The following MEF2A variants were observed in gnomAD, a reference collection of about 807,000 sequenced individuals.
MEF2A encodes myocyte-specific enhancer factor 2A.
In MEF2A, 28 loss-of-function variants were observed where a neutral mutation model predicts 55.8. The observed-to-expected ratio is 0.50, with a 90% confidence interval of 0.37 to 0.69. The LOEUF is 0.69. Ranked by LOEUF, MEF2A falls within the 30% of genes least tolerant of loss-of-function variation. The pLI, the probability that MEF2A is intolerant of heterozygous loss-of-function variation, is 0.00. For missense variants in MEF2A, 528 were observed against 626.2 expected (o/e 0.84, Z 1.67); for synonymous variants, 239 against 227.1 (o/e 1.05, Z -0.47).
In MEF2A at chr15:99,647,175, A is replaced by G. The variant is rs1473767430; in HGVS notation, c.258+1411A>G. On this transcript the variant is annotated intron_variant, in intron 4 of 11. Transcript: ENST00000557942. Reference sequence around the variant, plus strand: ...CTGTATAGTAGACCTTTCCCCTATTACATGTCATGAATACATTTTGTATTG... The same window carrying G: ...CTGTATAGTAGACCTTTCCCCTATTGCATGTCATGAATACATTTTGTATTG... 2.6e-5 allele frequency among the ~76,000 whole-genome samples: 4 copies of G among 152,128 alleles called. No individual in the cohort carries two copies. The South Asian group carries it at 6.2e-4, about 24-fold the overall frequency.
At chr15:99,604,697 C>A in intron 2 of MEF2A, among the ~76,000 whole-genome samples, 1 of 147,592 alleles carries the variant, frequency 6.8e-6, no homozygotes, top group Non-Finnish European at 1.5e-5. Context: ...CATTGTTGGG[C>A]TTAGGGGTTT....
At position 99,632,764 on chromosome 15, in the gene MEF2A, A is replaced by G. The variant is rs1596625041; in HGVS notation, c.-142-214A>G. ...AGAAAACCTCAAACATTATTGTTGCATTAGTTTAACCAGAACTAGAGACAC... is the reference window on the plus strand; with the variant it reads ...AGAAAACCTCAAACATTATTGTTGCGTTAGTTTAACCAGAACTAGAGACAC... On this transcript the variant is annotated intron_variant, in intron 2 of 11. Coordinates refer to ENST00000557942, the MANE Select transcript of MEF2A (RefSeq NM_001319206.4). 3.9e-5 allele frequency among the ~76,000 whole-genome samples: 6 copies of G among 152,322 alleles called. No individual in the cohort carries two copies. The South Asian group carries it at 1.0e-3, about 26-fold the overall frequency.
intron 2 of MEF2A, among the ~76,000 whole-genome samples, chr15:99,610,116 CAAG>C (rs527653067): frequency 6.3e-4 from 96 of 151,872 alleles, no homozygotes; most frequent in African/African-American, 2.2e-3. Context: ...CATTTGAAAT[CAAG>C]AATCGTATAG....
intron 4 of MEF2A, among the ~76,000 whole-genome samples, chr15:99,669,241 TTAAAA>T (rs2050392593): frequency 1.3e-5 from 2 of 152,228 alleles, no homozygotes. Context: ...TTAACTAGTC[TTAAAA>T]TAGATGAAAA....
intron 4 of MEF2A, among the ~76,000 whole-genome samples, chr15:99,655,316 T>C (rs1386277692): frequency 3.9e-5 from 6 of 152,020 alleles, no homozygotes; most frequent in Admixed American, 3.9e-4. Context: ...GATATCCATA[T>C]AGAAAAAAAA....
At chr15:99,690,742 C>A in intron 8 of MEF2A, 1 of 462,048 alleles carries the variant, frequency 2.2e-6, no homozygotes. Flanking sequence ...CATGTGGGAC[C>A]TAAAAAAATT....
intron 6 of MEF2A, 71 bp from the exon 7 acceptor site, chr15:99,675,328 G>C (rs543824990): frequency 3.1e-6 from 4 of 1,284,360 alleles, no homozygotes; most frequent in African/African-American, 1.5e-5. Flanking sequence ...TTCAGTTCAC[G>C]TTCAGTTAGG....
chr15:99,697,119 A>G (rs908047276), intron 8 of MEF2A, among the ~76,000 whole-genome samples: 27 of 152,158 alleles, frequency 1.8e-4, no homozygotes, highest in African/African-American at 6.5e-4. Context: ...TACAAAAAAT[A>G]TACAGCTAAA....
intron 7 of MEF2A, among the ~76,000 whole-genome samples, chr15:99,681,244 G>T (rs1191230584): frequency 6.6e-6 from 1 of 152,212 alleles, no homozygotes; most frequent in Non-Finnish European, 1.5e-5. Flanking sequence ...GGTAAAATAA[G>T]GGTTTGCATT....
At chr15:99,666,589 T>TAATAATA (rs1276899838) in intron 4 of MEF2A, among the ~76,000 whole-genome samples, 1 of 146,806 alleles carries the variant, frequency 6.8e-6, no homozygotes, top group Non-Finnish European at 1.5e-5. Context: ...ATAATAATAA[T>TAATAATA]AATAATAATA....
At chr15:99,703,272 G>A (rs1472125071) in intron 8 of MEF2A, 90 bp from the exon 9 acceptor site, 38 of 1,229,434 alleles carry the variant, frequency 3.1e-5, no homozygotes, top group Non-Finnish European at 7.0e-6. Flanking sequence ...AGCTGCTAGT[G>A]TCCAAATATG....
chr15:99,687,375 G>A (rs1253074228), intron 7 of MEF2A, among the ~76,000 whole-genome samples: 3 of 152,118 alleles, frequency 2.0e-5, no homozygotes, highest in South Asian at 2.1e-4. Context: ...GGGTGTGTGT[G>A]TGTATTTGTA....
chr15:99,667,931 T>C (rs1035244413), intron 4 of MEF2A, among the ~76,000 whole-genome samples: 3 of 152,218 alleles, frequency 2.0e-5, no homozygotes, highest in Admixed American at 6.5e-5. Context: ...TTGGGTTTCA[T>C]TTAAAAATAT....
chr15:99,636,892 T>TA (rs2043964223), intron 3 of MEF2A, among the ~76,000 whole-genome samples: 1 of 152,186 alleles, frequency 6.6e-6, no homozygotes, highest in African/African-American at 2.4e-5. Flanking sequence ...CAGGATTTGT[T>TA]ATTTTCCAGA....
At chr15:99,627,239 G>A (rs1206870233) in intron 2 of MEF2A, among the ~76,000 whole-genome samples, 2 of 151,624 alleles carry the variant, frequency 1.3e-5, no homozygotes, top group East Asian at 3.9e-4. Context: ...TGGCCAACAT[G>A]GTGAACCCCG....
In MEF2A at chr15:99,652,435, C is replaced by T. The variant is rs148451153; in HGVS notation, c.258+6671C>T. ...TCCTGCTGTGCAACCTGGTTCCTAA[C>T]AGGGTCTGTGGCCCCGGGGGTTAGG... On this transcript the variant is annotated intron_variant, in intron 4 of 11. Transcript: ENST00000557942. 7.7e-3 allele frequency among the ~76,000 whole-genome samples: 1,176 copies of T among 152,308 alleles called. 5 individuals are homozygous for T. Among genetic ancestry groups the T allele is most frequent in the Non-Finnish European group, 0.011 (760 of 68,018 alleles).
chr15:99,697,751 G>A (rs2056718559), intron 8 of MEF2A, among the ~76,000 whole-genome samples: 1 of 151,982 alleles, frequency 6.6e-6, no homozygotes, highest in African/African-American at 2.4e-5. Context: ...AGGTAAAGAC[G>A]AACTACAATA....
intron 7 of MEF2A, among the ~76,000 whole-genome samples, chr15:99,680,770 T>C (rs1351361785): frequency 2.0e-5 from 3 of 152,196 alleles, no homozygotes; most frequent in Non-Finnish European, 4.4e-5. Flanking sequence ...GAGATTATAA[T>C]ACTTAAGATG....
Position 99,603,373 on chromosome 15 carries a change from A to AT in MEF2A, c.-143+4879dup, listed in dbSNP as rs71149481. ...AGTTGTGGTGGTCTGTGTTAGTAAA[A>AT]TTTTTTTTTTTTTTTTTCAAAGACA... On this transcript the variant is annotated intron_variant, in intron 2 of 11. Transcript: ENST00000557942. Among the ~76,000 whole-genome samples, 1,010 of 141,400 alleles carry AT rather than the reference A, an allele frequency of 7.1e-3. 11 individuals carry two copies. Among genetic ancestry groups the AT allele is most frequent in the African/African-American group, 7.1e-3 (272 of 38,552 alleles). 92.8% of individuals were successfully genotyped at this position (141,400 alleles called of 152,430 possible).
Sources: allele counts gnomAD v4.1 joint callset (sites outside exome capture counted in the v4.1 genomes callset), GRCh38; gene constraint gnomAD v4.1.1; transcripts MANE v1.5; gene names NCBI Gene and HGNC (gene_info 2026-07-23, HGNC 2026-07-21).